The following USP43 variants were observed in gnomAD, a reference collection of about 807,000 sequenced individuals.
The protein encoded by USP43 is ubiquitin carboxyl-terminal hydrolase 43.
In USP43, 33 loss-of-function variants were observed where a neutral mutation model predicts 90.7. That is an observed-to-expected ratio of 0.36 (90% CI 0.28 to 0.49). USP43 has a LOEUF of 0.49. Among genes scored for constraint, USP43 ranks in the 20% least tolerant of loss-of-function variants. The pLI, the probability that USP43 is intolerant of heterozygous loss-of-function variation, is 0.98. For synonymous variants in USP43, 598 were observed against 615.8 expected, an observed-to-expected ratio of 0.97 and a Z score of 0.43; for missense variants, 1,274 against 1,476.4, an observed-to-expected ratio of 0.86 and a Z score of 2.25.
intron 1 of USP43, among the ~76,000 whole-genome samples, chr17:9,654,169 A>G (rs1293603818): frequency 6.6e-6 from 1 of 152,240 alleles, no homozygotes; most frequent in Non-Finnish European, 1.5e-5. Context: ...TGCCCAGCTG[A>G]CTTTTAATTG....
Position 9,729,130 on chromosome 17 carries a change from G to T in USP43, c.*140G>T, listed in dbSNP as rs1917449872. On this transcript the variant is annotated 3_prime_UTR_variant, in exon 15 of 15. Coordinates refer to ENST00000285199, the MANE Select transcript of USP43 (RefSeq NM_153210.5). ...AAAAAATTTTTTTTTTTTTGTGGTG[G>T]GGGGTCTCCATATCTAGACTTCCAA... 4 of 743,112 alleles carry T rather than the reference G, an allele frequency of 5.4e-6. No homozygotes were observed. The South Asian group carries it at 1.0e-4, about 19-fold the overall frequency. 46.0% of individuals were successfully genotyped at this position (743,112 alleles called of 1,614,324 possible).
chr17:9,705,898 G>A (rs967618722), intron 12 of USP43, among the ~76,000 whole-genome samples: 1 of 152,168 alleles, frequency 6.6e-6, no homozygotes, highest in African/African-American at 2.4e-5. Context: ...GAATAGCTGT[G>A]TCTGTGTTGT....
intron 14 of USP43, among the ~76,000 whole-genome samples, chr17:9,724,460 A>C (rs1053170455): frequency 1.3e-5 from 2 of 152,096 alleles, no homozygotes; most frequent in Non-Finnish European, 2.9e-5. Context: ...CGGGTGGATC[A>C]CCTGAGGTCA....
At position 9,701,691 on chromosome 17, in the gene USP43, C is replaced by A; in HGVS notation, c.2002C>A (p.His668Asn). The A allele has an allele frequency of 1.3e-6, 2 of 1,557,874 alleles. No homozygotes were observed. The highest frequency in any genetic ancestry group is 1.7e-6 in the Non-Finnish European group (2 of 1,150,390). Residue 668 changes from histidine (H) to asparagine (N), a missense_variant, in exon 12 of 15, where the codon CAT becomes AAT. Physicochemically the swap from His to Asn is moderately conservative, Grantham distance 68 (BLOSUM62 1). Transcript: ENST00000285199. The surrounding 1 kb of genome is among the most constrained non-coding windows in gnomAD (Gnocchi z 7.2). ...CNHHGNLQGG[H>N]YTAYCRNSLD... ...CCACCATGGCAACCTGCAAGGTGGG[C>A]ATTACACAGGTGAGCCTTGCCTTGC... is the stretch of plus-strand genomic sequence containing the variant.
Position 9,675,290 on chromosome 17 carries a change from A to G in USP43, c.833+307A>G, listed in dbSNP as rs144153417. Among the ~76,000 whole-genome samples, 950 of 152,276 alleles carry G rather than the reference A, an allele frequency of 6.2e-3. 3 individuals carry two copies. The highest frequency in any genetic ancestry group is 0.012 in the African/African-American group (514 of 41,552). ...ACTTAGTGAGACAGGGGCAAACTAGAGAAAATCCGTGGCCACCTGCTTTTT... is the reference window on the plus strand; with the variant it reads ...ACTTAGTGAGACAGGGGCAAACTAGGGAAAATCCGTGGCCACCTGCTTTTT... On this transcript the variant is annotated intron_variant, in intron 4 of 14. Transcript: ENST00000285199.
At chr17:9,672,057 C>T (rs1011492558) in intron 3 of USP43, among the ~76,000 whole-genome samples, 6 of 152,076 alleles carry the variant, frequency 3.9e-5, no homozygotes, top group African/African-American at 1.2e-4. Flanking sequence ...AGTGCAATGG[C>T]GCGATCTCAG....
At chr17:9,678,464 C>T (rs1261456388) in intron 5 of USP43, among the ~76,000 whole-genome samples, 2 of 152,190 alleles carry the variant, frequency 1.3e-5, no homozygotes, top group Non-Finnish European at 1.5e-5. Context: ...TCAAGCGATT[C>T]TCCTGCCTCA....
intron 6 of USP43, 143 bp downstream of exon 6, chr17:9,680,509 C>A: frequency 1.1e-6 from 1 of 949,162 alleles, no homozygotes; most frequent in Non-Finnish European, 1.5e-6. Context: ...TCGTTGTGTG[C>A]AGATGGTTGA....
At chr17:9,713,264 C>T (rs1468315920) in intron 14 of USP43, among the ~76,000 whole-genome samples, 1 of 151,878 alleles carries the variant, frequency 6.6e-6, no homozygotes, top group Admixed American at 6.6e-5. Context: ...AATTTTTGTA[C>T]TTTTCGTAGA....
At chr17:9,677,388 T>C (rs2151973732) in intron 5 of USP43, among the ~76,000 whole-genome samples, 1 of 152,340 alleles carries the variant, frequency 6.6e-6, no homozygotes, top group African/African-American at 2.4e-5. Flanking sequence ...ATTTTCAGTC[T>C]TGGCAATATA....
At chr17:9,681,148 TA>T (rs1391320884) in intron 6 of USP43, among the ~76,000 whole-genome samples, 3 of 109,732 alleles carry the variant, frequency 2.7e-5, no homozygotes, top group African/African-American at 4.1e-5. Context: ...ATATATACTA[TA>T]TAATATATAC....
chr17:9,669,892 T>C (rs1019936327), intron 3 of USP43: 2 of 152,594 alleles, frequency 1.3e-5, no homozygotes, highest in Non-Finnish European at 1.5e-5. Flanking sequence ...ATTACAGGCA[T>C]GCGCTGGAGA....
intron 6 of USP43, among the ~76,000 whole-genome samples, chr17:9,682,166 A>G (rs1245550176): frequency 6.6e-6 from 1 of 152,224 alleles, no homozygotes; most frequent in Non-Finnish European, 1.5e-5. Flanking sequence ...AAGAGAGTAG[A>G]TAAACTGGGG....
In USP43 at chr17:9,663,507, G is replaced by A. The variant is rs544108160; in HGVS notation, c.637-3141G>A. Among the ~76,000 whole-genome samples, 7 of 151,608 alleles carry A rather than the reference G, an allele frequency of 4.6e-5. No individual in the cohort carries two copies. In the East Asian group the frequency reaches 5.9e-4, roughly 13 times the overall value. ...GAGATGGGGTTTCACCATGTTGGCC[G>A]GGCTGGTCTTGAACTCCTGACCTCA... On this transcript the variant is annotated intron_variant, in intron 2 of 14. Coordinates refer to ENST00000285199, the MANE Select transcript of USP43 (RefSeq NM_153210.5).
rs1567679179 is a variant in USP43, at chr17:9,712,009, C to T, written c.2212C>T (p.Leu738Phe). 6.2e-7 allele frequency: 1 copy of T among 1,611,930 alleles called. No homozygotes were observed. The highest frequency in any genetic ancestry group is 8.5e-7 in the Non-Finnish European group (1 of 1,179,054). ...CCTGTCTGATCACTGGCTCTTACGG[C>T]TCGGGAGCCACGCTGGCAGCACAAG... ...SSLSDHWLLR[L>F]GSHAGSTRGS... is the part of the protein sequence containing the mutation. The change falls in exon 14 of 15, where the codon CTC becomes TTC. Residue 738 changes from leucine to phenylalanine, a missense_variant. By Grantham distance (22) the Leu-to-Phe change is conservative (BLOSUM62 0). Transcript: ENST00000285199.
At position 9,670,534 on chromosome 17, in the gene USP43, C is replaced by A. The variant is rs552801318; in HGVS notation, c.740+3783C>A. ...GCATCTTTCCATTAGTCCTTCCACCCCACAACCCTCACCCCAGTCTTGCTA... is the reference window on the plus strand; with the variant it reads ...GCATCTTTCCATTAGTCCTTCCACCACACAACCCTCACCCCAGTCTTGCTA... On this transcript the variant is annotated intron_variant, in intron 3 of 14. Coordinates refer to ENST00000285199, the MANE Select transcript of USP43 (RefSeq NM_153210.5). 3.9e-5 allele frequency among the ~76,000 whole-genome samples: 6 copies of A among 152,138 alleles called. No individual in the cohort carries two copies. The South Asian group carries it at 1.2e-3, about 32-fold the overall frequency.
intron 7 of USP43, among the ~76,000 whole-genome samples, chr17:9,684,763 C>CAAAAA (rs34404550): frequency 3.0e-5 from 2 of 65,802 alleles, no homozygotes; most frequent in East Asian, 7.5e-4. Flanking sequence ...AACTCCATCT[C>CAAAAA]AAAAAAAAAA....
chr17:9,720,154 C>T (rs1269646043), intron 14 of USP43, among the ~76,000 whole-genome samples: 4 of 151,240 alleles, frequency 2.6e-5, no homozygotes, highest in Admixed American at 6.6e-5. Context: ...GGTGAAACCC[C>T]GTCTCTACTA....
Position 9,693,183 on chromosome 17 carries a change from T to C in USP43, c.1410T>C (p.Tyr470=), listed in dbSNP as rs921835037. 1 of 1,613,614 alleles carries C rather than the reference T, an allele frequency of 6.2e-7. No homozygotes were observed. The highest frequency in any genetic ancestry group is 8.5e-7 in the Non-Finnish European group (1 of 1,179,832). Residue 470 remains tyrosine (Y), a synonymous_variant, in exon 9 of 15, where the codon TAT becomes TAC. Transcript: ENST00000285199. Reference sequence around the variant, plus strand: ...TGGGACTCTCTGTGGCCTGCAGCTATTTGTCTCCGAAGGACAGTCGGCCCC... The same window carrying C: ...TGGGACTCTCTGTGGCCTGCAGCTACTTGTCTCCGAAGGACAGTCGGCCCC... The part of the protein sequence containing the change: ...RVVGLSVACS[Y]LSPKDSRPLC...
Sources: gnomAD v4.1 joint callset for allele counts (sites outside exome capture counted in the v4.1 genomes callset) on GRCh38, gnomAD v4.1.1 for gene constraint, Gnocchi (gnomAD v3.1) non-coding constraint, MANE v1.5 for transcripts, NCBI Gene and HGNC (gene_info 2026-07-23, HGNC 2026-07-21) for gene names.